The following EDA variants were observed in gnomAD, a reference collection of about 807,000 sequenced individuals.
The protein encoded by EDA is ectodysplasin-A.
EDA carries 2 observed loss-of-function variants against 23.6 expected under a neutral mutation model. The ratio of observed to expected loss-of-function variants is 0.08; its 90% CI spans 0.03 to 0.27. EDA has a LOEUF of 0.27. Ranked by LOEUF, EDA falls within the 10% of genes least tolerant of loss-of-function variation. The pLI is 1.00. For missense variants in EDA, 229 were observed against 324.2 expected (o/e 0.71, Z 2.26); for synonymous variants, 131 against 132.0 (o/e 0.99, Z 0.05).
chrX:69,833,701 A>G (rs752765717), intron 1 of EDA, among the ~76,000 whole-genome samples: 1 of 111,048 alleles, frequency 9.0e-6, no homozygotes, highest in Admixed American at 9.6e-5. Flanking sequence ...TAGGCTATTA[A>G]TTATTGCCTC....
chrX:69,637,696 A>G (rs1932793180), intron 1 of EDA, among the ~76,000 whole-genome samples: 1 of 111,341 alleles, frequency 9.0e-6, no homozygotes, highest in African/African-American at 3.3e-5. Context: ...TATAATAAAG[A>G]TAATATCGAC....
chrX:69,751,021 T>A (rs1289019943), intron 1 of EDA, among the ~76,000 whole-genome samples: 2 of 109,854 alleles, frequency 1.8e-5, no homozygotes, highest in Non-Finnish European at 3.8e-5. Context: ...AGAAGCTCTT[T>A]AGTTTAATTA....
At chrX:69,972,290 A>T (rs1380617787) in intron 2 of EDA, among the ~76,000 whole-genome samples, 1 of 111,126 alleles carries the variant, frequency 9.0e-6, no homozygotes, top group African/African-American at 3.3e-5. Context: ...TTCACCATTT[A>T]TTGGCATAAT....
intron 1 of EDA, among the ~76,000 whole-genome samples, chrX:69,713,443 A>T (rs1407821240): frequency 9.0e-6 from 1 of 111,410 alleles, no homozygotes; most frequent in African/African-American, 3.3e-5. Flanking sequence ...ACCACAGTTG[A>T]GATACAGAAC....
At chrX:69,752,506 G>A (rs771758142) in intron 1 of EDA, among the ~76,000 whole-genome samples, 5 of 111,722 alleles carry the variant, frequency 4.5e-5, no homozygotes, top group South Asian at 3.8e-4. Flanking sequence ...TTTTTGCATC[G>A]ATGTTCATCA....
intron 1 of EDA, among the ~76,000 whole-genome samples, chrX:69,647,445 A>G (rs942549171): frequency 9.0e-6 from 1 of 111,249 alleles, no homozygotes; most frequent in South Asian, 3.8e-4. Flanking sequence ...ATAGTCTTGA[A>G]GCACTGAGAT....
At chrX:69,971,786 C>G (rs956108177) in intron 2 of EDA, among the ~76,000 whole-genome samples, 1 of 110,856 alleles carries the variant, frequency 9.0e-6, no homozygotes, top group African/African-American at 3.3e-5. Flanking sequence ...CCTTCTATCT[C>G]GGTGTGGCAA....
chrX:69,827,647 T>G (rs1293284776), intron 1 of EDA, among the ~76,000 whole-genome samples: 2 of 111,972 alleles, frequency 1.8e-5, no homozygotes, highest in Non-Finnish European at 3.8e-5. Flanking sequence ...TGGTTTGAAT[T>G]TCCTCCCGTA....
intron 2 of EDA, among the ~76,000 whole-genome samples, chrX:69,960,999 A>G (rs2019091508): frequency 1.9e-5 from 2 of 103,440 alleles, no homozygotes; most frequent in African/African-American, 3.5e-5. Context: ...AGCCTAGGCA[A>G]CAGAGTGAAA....
intron 1 of EDA, among the ~76,000 whole-genome samples, chrX:69,913,219 A>G (rs1045326038): frequency 8.9e-6 from 1 of 112,603 alleles, no homozygotes; most frequent in African/African-American, 3.2e-5. Flanking sequence ...TCTCCTCTCT[A>G]GCTATGAAAG....
At position 69,875,330 on chromosome X, in the gene EDA, A is replaced by G. The variant is rs746429768; in HGVS notation, c.397-81697A>G. Among the ~76,000 whole-genome samples, 4 of 111,989 alleles carry G rather than the reference A, an allele frequency of 3.6e-5. No individual in the cohort carries two copies. In the South Asian group the frequency reaches 1.5e-3, roughly 42 times the overall value. On this transcript the variant is annotated intron_variant, in intron 1 of 7. Transcript: ENST00000374552. ...AGAGAACCTAGAAATAAAGTCAAAC[A>G]CTTAGAGCCAACTGATCTTCAACAA...
intron 1 of EDA, among the ~76,000 whole-genome samples, chrX:69,892,710 A>T (rs1464243670): frequency 8.9e-6 from 1 of 111,928 alleles, no homozygotes. Flanking sequence ...AAAAGGTTGA[A>T]CTTTTCTTGA....
chrX:69,945,422 A>G (rs1569381105), intron 1 of EDA, among the ~76,000 whole-genome samples: 1 of 111,965 alleles, frequency 8.9e-6, no homozygotes, highest in African/African-American at 3.3e-5. Context: ...AATATTTGTA[A>G]TTAGGAGCAA....
At chrX:69,691,874 A>C (rs1344164320) in intron 1 of EDA, among the ~76,000 whole-genome samples, 1 of 111,974 alleles carries the variant, frequency 8.9e-6, no homozygotes, top group Non-Finnish European at 1.9e-5. Flanking sequence ...AGGTAACTCT[A>C]ATCAATTTTT....
intron 1 of EDA, among the ~76,000 whole-genome samples, chrX:69,672,144 C>A (rs1933918327): frequency 9.0e-6 from 1 of 111,480 alleles, no homozygotes; most frequent in Admixed American, 9.5e-5. Context: ...TGAGAAAATT[C>A]TTCCCTGTAT....
At chrX:69,822,341 G>C (rs1287254879) in intron 1 of EDA, among the ~76,000 whole-genome samples, 1 of 111,349 alleles carries the variant, frequency 9.0e-6, no homozygotes, top group Non-Finnish European at 1.9e-5. Flanking sequence ...TCAAAAGTTT[G>C]TAGGTATGTC....
chrX:69,906,353 G>C (rs2018176729), intron 1 of EDA, among the ~76,000 whole-genome samples: 1 of 112,348 alleles, frequency 8.9e-6, no homozygotes, highest in South Asian at 3.7e-4. Flanking sequence ...TCCCAGAAGG[G>C]CTACCCCAAA....
chrX:69,991,901 C>A (rs1367538318), intron 2 of EDA, among the ~76,000 whole-genome samples: 1 of 111,754 alleles, frequency 8.9e-6, no homozygotes, highest in Non-Finnish European at 1.9e-5. Flanking sequence ...AAGCACCTGG[C>A]CAGCTGGCAC....
At chrX:69,857,188 T>G (rs1196250009) in intron 1 of EDA, among the ~76,000 whole-genome samples, 4 of 111,872 alleles carry the variant, frequency 3.6e-5, no homozygotes, top group African/African-American at 1.3e-4. Context: ...CTGTAAGTAT[T>G]TGGCTTTATT....
Sources: allele counts gnomAD v4.1 joint callset (sites outside exome capture counted in the v4.1 genomes callset), GRCh38; gene constraint gnomAD v4.1.1; transcripts MANE v1.5; gene names NCBI Gene and HGNC (gene_info 2026-07-23, HGNC 2026-07-21).